Variants in CSMD1 observed in about 807,000 individuals in gnomAD.
The protein encoded by CSMD1 is CUB and sushi domain-containing protein 1.
Under a neutral mutation model 417.5 loss-of-function variants are expected in CSMD1, and 213 were observed. That is an observed-to-expected ratio of 0.51 (90% CI 0.46 to 0.57). The LOEUF (loss-of-function observed/expected upper bound fraction) is 0.57, where lower values mean the gene tolerates loss of function less well. CSMD1 is among the 20% of genes least tolerant of loss of function. The probability of loss-of-function intolerance (pLI) is 0.00; values close to 1 mark genes in which losing one functional copy is unlikely to be tolerated. For synonymous variants in CSMD1, 2,862 were observed against 1,736.8 expected (o/e 1.65, Z -16.11); for missense variants, 6,923 against 4,529.7 (o/e 1.53, Z -15.17).
intron 5 of CSMD1, among the ~76,000 whole-genome samples, chr8:3,795,320 G>C (rs1337105734): frequency 2.1e-5 from 1 of 48,178 alleles, no homozygotes; most frequent in African/African-American, 1.0e-4. Flanking sequence ...ATCATGTACA[G>C]ATATAGATAT....
At chr8:3,224,959 A>C (rs1170623946) in intron 27 of CSMD1, among the ~76,000 whole-genome samples, 2 of 152,216 alleles carry the variant, frequency 1.3e-5, no homozygotes, top group East Asian at 3.8e-4. Flanking sequence ...AGTTGTTTTA[A>C]AGCGTGACTA....
At chr8:3,987,612 T>C (rs1402513052) in intron 5 of CSMD1, among the ~76,000 whole-genome samples, 1 of 152,178 alleles carries the variant, frequency 6.6e-6, no homozygotes, top group African/African-American at 2.4e-5. Flanking sequence ...AGGCCAATTC[T>C]GAGAACTGTG....
intron 2 of CSMD1, among the ~76,000 whole-genome samples, chr8:4,468,841 A>C (rs1800348141): frequency 6.6e-6 from 1 of 152,160 alleles, no homozygotes; most frequent in East Asian, 1.9e-4. Flanking sequence ...ACAGCAATTG[A>C]ATTATCAATT....
intron 7 of CSMD1, among the ~76,000 whole-genome samples, chr8:3,638,634 C>T (rs1797157540): frequency 1.3e-5 from 2 of 152,146 alleles, no homozygotes; most frequent in African/African-American, 4.8e-5. Flanking sequence ...TGTGGAGGAG[C>T]AGGTGAAACA....
intron 37 of CSMD1, among the ~76,000 whole-genome samples, chr8:3,167,200 G>C (rs1306032825): frequency 4.6e-5 from 7 of 150,972 alleles, no homozygotes; most frequent in African/African-American, 1.5e-4. Context: ...CAGGAGAAGT[G>C]CTTGAACCCA....
At chr8:4,082,411 C>G (rs1321628806) in intron 3 of CSMD1, among the ~76,000 whole-genome samples, 2 of 152,040 alleles carry the variant, frequency 1.3e-5, no homozygotes, top group African/African-American at 2.4e-5. Flanking sequence ...CAACAAAACC[C>G]AGTATTTTAA....
intron 11 of CSMD1, among the ~76,000 whole-genome samples, chr8:3,493,035 G>A (rs1396075847): frequency 1.3e-5 from 2 of 151,958 alleles, no homozygotes; most frequent in African/African-American, 2.4e-5. Context: ...GTTCACACCT[G>A]TAATCCCCAA....
intron 3 of CSMD1, among the ~76,000 whole-genome samples, chr8:4,323,640 A>C (rs1018526314): frequency 3.3e-5 from 5 of 152,174 alleles, no homozygotes; most frequent in African/African-American, 1.2e-4. Flanking sequence ...ATAAGGAGAA[A>C]AAACAAATAA....
chr8:3,406,768 T>A (rs1485755004), intron 14 of CSMD1, among the ~76,000 whole-genome samples: 1 of 152,228 alleles, frequency 6.6e-6, no homozygotes. Context: ...GTATTACTCA[T>A]ATTAATATTC....
At chr8:4,614,918 G>T (rs1055188614) in intron 2 of CSMD1, among the ~76,000 whole-genome samples, 1 of 152,048 alleles carries the variant, frequency 6.6e-6, no homozygotes, top group Non-Finnish European at 1.5e-5. Flanking sequence ...ACCAATCTCA[G>T]ATAATTTTCA....
chr8:3,540,273 T>A (rs1585329440), intron 10 of CSMD1, among the ~76,000 whole-genome samples: 2 of 152,188 alleles, frequency 1.3e-5, no homozygotes, highest in Non-Finnish European at 2.9e-5. Context: ...AACAACCTCC[T>A]CATTTGGCAA....
chr8:4,526,986 C>G (rs1163153825), intron 2 of CSMD1, among the ~76,000 whole-genome samples: 2 of 152,274 alleles, frequency 1.3e-5, no homozygotes, highest in East Asian at 3.9e-4. Context: ...CTATCCACAT[C>G]CTCTTACTTA....
intron 3 of CSMD1, among the ~76,000 whole-genome samples, chr8:4,302,426 C>G (rs903110174): frequency 6.6e-6 from 1 of 152,122 alleles, no homozygotes; most frequent in Non-Finnish European, 1.5e-5. Flanking sequence ...ACTTTCATCC[C>G]ATAGTGAAGG....
intron 1 of CSMD1, among the ~76,000 whole-genome samples, chr8:4,989,243 T>G (rs2117470264): frequency 6.6e-6 from 1 of 152,104 alleles, no homozygotes; most frequent in Middle Eastern, 3.4e-3. Context: ...TTTCTTTGGC[T>G]CAGGTTGCAT....
In CSMD1 at chr8:2,942,624, T is replaced by C. The variant is rs1213923062; in HGVS notation, c.10403-20A>G. 3 of 1,536,652 alleles carry C rather than the reference T, an allele frequency of 2.0e-6. No individual in the cohort carries two copies. The highest frequency in any genetic ancestry group is 8.8e-7 in the Non-Finnish European group (1 of 1,137,580). ...AAGGATCTGTAAGATAAAGGAAATATTAAATTTGTTGTTACTGTACTCTGC... is the reference window on the plus strand; with the variant it reads ...AAGGATCTGTAAGATAAAGGAAATACTAAATTTGTTGTTACTGTACTCTGC... On this transcript the variant is annotated intron_variant, in intron 68 of 69. Coordinates refer to ENST00000635120, the MANE Select transcript of CSMD1 (RefSeq NM_033225.6).
chr8:3,333,251 T>C (rs1011300151), intron 23 of CSMD1, among the ~76,000 whole-genome samples: 2 of 152,186 alleles, frequency 1.3e-5, no homozygotes, highest in African/African-American at 4.8e-5. Context: ...CCAAGCCGTG[T>C]CTGGGCTCCT....
intron 3 of CSMD1, among the ~76,000 whole-genome samples, chr8:4,045,227 C>G (rs1798089838): frequency 6.6e-6 from 1 of 152,126 alleles, no homozygotes; most frequent in African/African-American, 2.4e-5. Flanking sequence ...GACAGTTGTC[C>G]CATTAATGAG....
At chr8:4,298,894 T>C (rs1797829650) in intron 3 of CSMD1, among the ~76,000 whole-genome samples, 2 of 152,084 alleles carry the variant, frequency 1.3e-5, no homozygotes, top group South Asian at 4.1e-4. Context: ...GAGTAAATTT[T>C]ACATCATATA....
intron 5 of CSMD1, among the ~76,000 whole-genome samples, chr8:3,803,524 C>T (rs1800571110): frequency 6.6e-6 from 1 of 152,166 alleles, no homozygotes; most frequent in Admixed American, 6.5e-5. Flanking sequence ...AACCCAGGGG[C>T]TGGGCCCAGG....
Sources: allele counts gnomAD v4.1 joint callset (sites outside exome capture counted in the v4.1 genomes callset), GRCh38; gene constraint gnomAD v4.1.1; transcripts MANE v1.5; gene names NCBI Gene and HGNC (gene_info 2026-07-23, HGNC 2026-07-21).